The following HELQ variants were observed in gnomAD, a reference collection of about 807,000 sequenced individuals.
The protein encoded by HELQ is helicase, POLQ like, also known as helicase POLQ-like.
HELQ carries 77 observed loss-of-function variants against 111.6 expected under a neutral mutation model. That is an observed-to-expected ratio of 0.69 (90% CI 0.57 to 0.83). The LOEUF (loss-of-function observed/expected upper bound fraction) is 0.83. Ranked by LOEUF, HELQ falls within the 40% of genes least tolerant of loss-of-function variation. The pLI is 0.00. For missense variants in HELQ, 1,200 were observed against 1,288.5 expected, an observed-to-expected ratio of 0.93 and a Z score of 1.05; for synonymous variants, 438 against 454.7, an observed-to-expected ratio of 0.96 and a Z score of 0.47.
intron 16 of HELQ, among the ~76,000 whole-genome samples, chr4:83,417,819 G>A (rs1381358774): frequency 6.6e-6 from 1 of 151,818 alleles, no homozygotes; most frequent in Non-Finnish European, 1.5e-5. Flanking sequence ...AAGGACAACC[G>A]GTAGCACAAC....
In HELQ at chr4:83,455,641, T is replaced by C. The variant is rs141700135; in HGVS notation, c.53A>G (p.Asn18Ser). 5.9e-3 allele frequency: 9,598 copies of C among 1,613,470 alleles called. 46 individuals carry two copies. The highest frequency in any genetic ancestry group is 7.1e-3 in the Non-Finnish European group (8,377 of 1,180,014). Residue 18 changes from asparagine to serine, a missense_variant, in exon 1 of 18, where the codon AAC (asparagine) becomes AGC (serine). Asn to Ser is a conservative substitution (Grantham distance 46). Around this residue, in one of 3 missense-constraint regions of HELQ, gnomAD observed 610 missense variants for 607.1 expected, o/e 1.00. Transcript: ENST00000295488. ...IRRRVSLPKRNRPSLGCIFGA... is the reference protein window; with the variant it reads ...IRRRVSLPKRSRPSLGCIFGA... Reference sequence around the variant, plus strand: ...AAAAATACACCCCAAGCTTGGACGGTTCCTTTTGGGGAGAGACACCCGCCG... The same window carrying C: ...AAAAATACACCCCAAGCTTGGACGGCTCCTTTTGGGGAGAGACACCCGCCG...
At chr4:83,410,392 T>C (rs78063548) in intron 17 of HELQ, among the ~76,000 whole-genome samples, 3,214 of 152,336 alleles carry the variant, frequency 0.021, 115 homozygotes, top group African/African-American at 0.073. Context: ...CACATTATTT[T>C]AATTATATAC....
intron 9 of HELQ, among the ~76,000 whole-genome samples, chr4:83,433,624 C>T (rs1034903257): frequency 2.0e-5 from 3 of 148,396 alleles, no homozygotes; most frequent in South Asian, 2.1e-4. Context: ...GGAGATTGCG[C>T]CACTGCACTC....
chr4:83,430,799 C>G (rs1171899827), intron 11 of HELQ, among the ~76,000 whole-genome samples: 1 of 151,732 alleles, frequency 6.6e-6, no homozygotes, highest in Non-Finnish European at 1.5e-5. Context: ...TATTTAAGAA[C>G]TGATACTTGG....
chr4:83,453,820 T>C lies in HELQ; in HGVS notation c.423A>G (p.Thr141=), dbSNP rs1578110056. The C allele has an allele frequency of 3.7e-6, 6 of 1,614,146 alleles. No homozygotes were observed. The East Asian group carries it at 1.3e-4, about 36-fold the overall frequency. Residue 141 remains threonine (T), a synonymous_variant, in exon 2 of 18, where the codon ACA becomes ACG. Coordinates refer to ENST00000295488, the MANE Select transcript of HELQ (RefSeq NM_133636.5). ...MQLPEHKKHA[T]DFATENLCSE... The stretch of plus-strand genomic sequence containing the variant: ...AGCAAAGATTTTCAGTGGCAAAGTC[T>C]GTAGCATGTTTCTTATGTTCAGGGA...
intron 17 of HELQ, among the ~76,000 whole-genome samples, chr4:83,413,296 A>G (rs1739198157): frequency 6.6e-6 from 1 of 152,204 alleles, no homozygotes; most frequent in Non-Finnish European, 1.5e-5. Flanking sequence ...CCAGCTAGAT[A>G]GTGTCAGGAC....
intron 2 of HELQ, among the ~76,000 whole-genome samples, chr4:83,450,593 ATT>A (rs1383025975): frequency 6.6e-6 from 1 of 151,758 alleles, no homozygotes; most frequent in African/African-American, 2.4e-5. Context: ...CCATAGCCAC[ATT>A]TTATCCAATT....
intron 6 of HELQ, 112 bp from the exon 7 acceptor site, chr4:83,441,515 T>C (rs1263117715): frequency 1.8e-6 from 1 of 551,218 alleles, no homozygotes; most frequent in Non-Finnish European, 3.2e-6. Flanking sequence ...GTTTAGCTTT[T>C]CTAAGATACA....
chr4:83,450,458 T>C (rs978261921), intron 2 of HELQ, among the ~76,000 whole-genome samples: 1 of 151,720 alleles, frequency 6.6e-6, no homozygotes, highest in African/African-American at 2.4e-5. Flanking sequence ...CAAGTGACTG[T>C]GAATATTTTC....
At chr4:83,441,065 C>T (rs1262961760) in intron 7 of HELQ, among the ~76,000 whole-genome samples, 1 of 152,178 alleles carries the variant, frequency 6.6e-6, no homozygotes, top group East Asian at 1.9e-4. Context: ...TTGCTTACAG[C>T]AACTGTAAAA....
At chr4:83,438,558 T>C (rs1444238173) in intron 8 of HELQ, among the ~76,000 whole-genome samples, 1 of 151,890 alleles carries the variant, frequency 6.6e-6, no homozygotes, top group Non-Finnish European at 1.5e-5. Flanking sequence ...CTGGGCAACA[T>C]GGTGAAATAC....
At chr4:83,414,812 T>C (rs1279892551) in intron 17 of HELQ, among the ~76,000 whole-genome samples, 1 of 152,026 alleles carries the variant, frequency 6.6e-6, no homozygotes, top group Non-Finnish European at 1.5e-5. Context: ...CACTAGTAAA[T>C]GCTGAAACAA....
At position 83,439,922 on chromosome 4, in the gene HELQ, A is replaced by G. The variant is rs1720679741; in HGVS notation, c.1749T>C (p.Phe583=). The G allele has an allele frequency of 6.2e-7, 1 of 1,609,492 alleles. No individual in the cohort carries two copies. The highest frequency in any genetic ancestry group is 8.5e-7 in the Non-Finnish European group (1 of 1,176,476). Residue 583 remains phenylalanine (F), a synonymous_variant, in exon 8 of 18, where the codon TTT becomes TTC. Coordinates refer to ENST00000295488, the MANE Select transcript of HELQ (RefSeq NM_133636.5). ...EVIPNYSCLV[F]CPSKKNCENV... ...TTTCACAGTTCTTCTTACTAGGACA[A>G]AAAACTAAGCAGGAATAATTGGGAA... is the stretch of plus-strand genomic sequence containing the variant.
In HELQ at chr4:83,455,478, C is replaced by T. The variant is rs770659897; in HGVS notation, c.216G>A (p.Pro72=). 4 of 1,614,144 alleles carry T rather than the reference C, an allele frequency of 2.5e-6. No individual in the cohort carries two copies. The highest frequency in any genetic ancestry group is 1.7e-5 in the Admixed American group (1 of 60,006). ...EVQPLLLSDS[P]ECLVLGGGDT... ...CACCACCTCCAAGGACGAGACATTC[C>T]GGGGAATCTGAGAGTAGAAGGGGCT... Residue 72 remains proline (P), a synonymous_variant, in exon 1 of 18, where the codon CCG becomes CCA. Transcript: ENST00000295488.
intron 9 of HELQ, among the ~76,000 whole-genome samples, chr4:83,433,522 T>C (rs1272040854): frequency 1.3e-5 from 2 of 148,472 alleles, no homozygotes; most frequent in African/African-American, 5.0e-5. Flanking sequence ...AAAAATTAGC[T>C]GGTCGTGGTG....
chr4:83,451,110 G>C (rs1721339750), intron 2 of HELQ, among the ~76,000 whole-genome samples: 1 of 152,124 alleles, frequency 6.6e-6, no homozygotes, highest in African/African-American at 2.4e-5. Context: ...ATGTTATTAA[G>C]CCAGATTTAG....
chr4:83,410,439 C>A (rs1030828587), intron 17 of HELQ, among the ~76,000 whole-genome samples: 2 of 152,012 alleles, frequency 1.3e-5, no homozygotes, highest in Non-Finnish European at 2.9e-5. Flanking sequence ...TAAATAAATA[C>A]TGAATGTTTG....
chr4:83,436,269 G>A (rs184436811), intron 9 of HELQ, among the ~76,000 whole-genome samples: 2 of 152,158 alleles, frequency 1.3e-5, no homozygotes, highest in East Asian at 3.9e-4. Flanking sequence ...CTGTGATCTC[G>A]CTGAGATGTA....
intron 8 of HELQ, among the ~76,000 whole-genome samples, chr4:83,438,208 T>C (rs2109996863): frequency 6.6e-6 from 1 of 152,318 alleles, no homozygotes; most frequent in South Asian, 2.1e-4. Context: ...TAATAGACTA[T>C]GAATAGTGAT....
Sources: allele counts gnomAD v4.1 joint callset (sites outside exome capture counted in the v4.1 genomes callset), GRCh38; gene constraint gnomAD v4.1.1; regional missense constraint gnomAD v4.1.1; transcripts MANE v1.5; gene names NCBI Gene and HGNC (gene_info 2026-07-23, HGNC 2026-07-21).